MINAR1: variants seen among roughly 807,000 people sequenced by gnomAD.
MINAR1 encodes membrane integral NOTCH2 associated receptor 1, also known as major intrinsically disordered Notch2-binding receptor 1.
Under a neutral mutation model 65.1 loss-of-function variants are expected in MINAR1, and 40 were observed. That is an observed-to-expected ratio of 0.61 (90% CI 0.48 to 0.80). The LOEUF (loss-of-function observed/expected upper bound fraction) is 0.80. Ranked by LOEUF, MINAR1 falls within the 30% of genes least tolerant of loss-of-function variation. The probability of loss-of-function intolerance (pLI) is 0.00; values close to 1 mark genes in which losing one functional copy is unlikely to be tolerated. For synonymous variants in MINAR1, 482 were observed against 449.1 expected, an observed-to-expected ratio of 1.07 and a Z score of -0.93; for missense variants, 1,128 against 1,148.0, an observed-to-expected ratio of 0.98 and a Z score of 0.25.
chr15:79,448,922 A>G (rs1002635985), intron 1 of MINAR1, among the ~76,000 whole-genome samples: 8 of 152,170 alleles, frequency 5.3e-5, no homozygotes, highest in African/African-American at 1.9e-4. Flanking sequence ...AGATGCCAAG[A>G]GTGTGAGCAG....
At chr15:79,417,219 T>G in the MINAR1 span, 2 of 152,194 alleles carry the variant, frequency 1.3e-5, no homozygotes, top group African/African-American at 2.4e-5. Flanking sequence ...CATAGTTCAA[T>G]TACACCTCCT....
intron 2 of MINAR1, among the ~76,000 whole-genome samples, chr15:79,460,504 T>C (rs1476940332): frequency 2.6e-5 from 4 of 152,194 alleles, no homozygotes; most frequent in Non-Finnish European, 4.4e-5. Context: ...TACCAGACCC[T>C]ATGGATTTGC....
At chr15:79,467,450 A>C (rs1291848539) in intron 3 of MINAR1, among the ~76,000 whole-genome samples, 1 of 152,218 alleles carries the variant, frequency 6.6e-6, no homozygotes, top group Non-Finnish European at 1.5e-5. Flanking sequence ...GGATTCACGG[A>C]AAATACAAGT....
the MINAR1 span, chr15:79,411,579 G>A: frequency 1.4e-6 from 1 of 690,300 alleles, no homozygotes; most frequent in Non-Finnish European, 2.6e-6. Context: ...GGAGGAAGCT[G>A]CTGCACAGAG....
the MINAR1 span, chr15:79,417,555 C>T: frequency 2.6e-5 from 4 of 152,220 alleles, no homozygotes; most frequent in Non-Finnish European, 4.4e-5. Flanking sequence ...GATCTCCTCC[C>T]TGGCCATCTC....
rs1896048493 is a variant in MINAR1 at position 79,470,779 on chromosome 15, T to C, written c.*2395T>C. ...TAACGGAAACATCTAGACCTGGTAA[T>C]AATCCAGGAAATTGCAAAATGGAGG... On this transcript the variant is annotated 3_prime_UTR_variant, in exon 4 of 4. Coordinates refer to ENST00000305428, the MANE Select transcript of MINAR1 (RefSeq NM_015206.3). 1 of 152,234 alleles carries C rather than the reference T, an allele frequency of 6.6e-6. No individual in the cohort carries two copies. Among genetic ancestry groups the C allele is most frequent in the Admixed American group, 6.5e-5 (1 of 15,286 alleles). 9.4% of individuals were successfully genotyped at this position (152,234 alleles called of 1,614,324 possible).
At chr15:79,421,180 T>C in the MINAR1 span, 2 of 152,142 alleles carry the variant, frequency 1.3e-5, no homozygotes, top group African/African-American at 2.4e-5. Context: ...TAAGCCAGCA[T>C]TGTTTATTAT....
At chr15:79,416,628 T>C in the MINAR1 span, 1 of 152,128 alleles carries the variant, frequency 6.6e-6, no homozygotes, top group Non-Finnish European at 1.5e-5. Flanking sequence ...GGAAACTCAT[T>C]ATGCAAATAA....
At chr15:79,452,695 GGT>G (rs1895264670) in intron 1 of MINAR1, among the ~76,000 whole-genome samples, 1 of 102,456 alleles carries the variant, frequency 9.8e-6, no homozygotes, top group South Asian at 2.9e-4. Context: ...TGTGTGTGTG[GGT>G]GTCTGGATGA....
chr15:79,454,559 A>T (rs928036948), intron 1 of MINAR1, among the ~76,000 whole-genome samples: 6 of 152,210 alleles, frequency 3.9e-5, no homozygotes, highest in African/African-American at 1.4e-4. Flanking sequence ...GTTTATCAAC[A>T]AAGGGCTTCA....
chr15:79,417,733 C>T, the MINAR1 span: 3 of 152,222 alleles, frequency 2.0e-5, no homozygotes, highest in African/African-American at 4.8e-5. Context: ...GGAGCAAACG[C>T]ACACAGCAGG....
chr15:79,466,730 A>C (rs893961896), intron 3 of MINAR1, among the ~76,000 whole-genome samples: 1 of 152,188 alleles, frequency 6.6e-6, no homozygotes, highest in Non-Finnish European at 1.5e-5. Flanking sequence ...GGCAGCAGGC[A>C]GGTGACATTC....
chr15:79,431,988 C>T (rs757054361), upstream of MINAR1, among the ~76,000 whole-genome samples: 499 of 152,262 alleles, frequency 3.3e-3, 1 homozygote, highest in Non-Finnish European at 4.4e-3. Context: ...CCAGGGTGCG[C>T]TCAGTTGCTG....
At chr15:79,432,237 A>G (rs1196151274), upstream of MINAR1, among the ~76,000 whole-genome samples, 1 of 151,968 alleles carries the variant, frequency 6.6e-6, no homozygotes, top group Non-Finnish European at 1.5e-5. Context: ...GCGCCGCCCC[A>G]GAGGAGTCCG....
chr15:79,429,598 T>C (rs1894392902), upstream of MINAR1, among the ~76,000 whole-genome samples: 1 of 152,228 alleles, frequency 6.6e-6, no homozygotes, highest in Admixed American at 6.5e-5. Context: ...GTGCACAGTC[T>C]CCCATCTCAT....
At chr15:79,423,180 CAAAAT>C in the MINAR1 span, 1 of 152,104 alleles carries the variant, frequency 6.6e-6, no homozygotes, top group African/African-American at 2.4e-5. Flanking sequence ...ATATGTATCT[CAAAAT>C]AAAAAGCTTA....
chr15:79,443,779 T>G (rs1443670819), intron 1 of MINAR1, among the ~76,000 whole-genome samples: 1 of 152,190 alleles, frequency 6.6e-6, no homozygotes, highest in Non-Finnish European at 1.5e-5. Context: ...TTTGTCTCCT[T>G]ATGAACCTAT....
chr15:79,411,857 G>A, the MINAR1 span: 9 of 220,938 alleles, frequency 4.1e-5, no homozygotes, highest in East Asian at 3.8e-4. Flanking sequence ...CTCTAGGCTC[G>A]ACTTGCTCCC....
At chr15:79,415,572 C>T in the MINAR1 span, 1 of 152,086 alleles carries the variant, frequency 6.6e-6, no homozygotes, top group Non-Finnish European at 1.5e-5. Context: ...TGCGGTAAAA[C>T]CTTTGCACTG....
Sources: allele counts gnomAD v4.1 joint callset (sites outside exome capture counted in the v4.1 genomes callset), GRCh38; gene constraint gnomAD v4.1.1; transcripts MANE v1.5; gene names NCBI Gene and HGNC (gene_info 2026-07-23, HGNC 2026-07-21).